ANKRD16: variants seen among roughly 807,000 people sequenced by gnomAD.
ANKRD16 encodes ankyrin repeat domain-containing protein 16.
Under a neutral mutation model 37.9 loss-of-function variants are expected in ANKRD16, and 35 were observed. That is an observed-to-expected ratio of 0.92 (90% CI 0.71 to 1.23). ANKRD16 has a LOEUF of 1.23. ANKRD16 is among the 50% of genes most tolerant of loss of function. The pLI is 0.00. For synonymous variants in ANKRD16, 206 were observed against 197.2 expected (o/e 1.04, Z -0.37); for missense variants, 480 against 469.9 (o/e 1.02, Z -0.20).
At position 5,862,460 on chromosome 10, in the gene ANKRD16, G is replaced by A. The variant is rs560347702; in HGVS notation, c.*265C>T. 6.4e-6 allele frequency: 3 copies of A among 469,804 alleles called. No homozygotes were observed. Among genetic ancestry groups the A allele is most frequent in the Admixed American group, 2.7e-5 (1 of 36,580 alleles). The allele number at this position is 469,804 out of a possible 1,614,324, so 29.1% of individuals were successfully genotyped here. On this transcript the variant is annotated 3_prime_UTR_variant, in exon 8 of 8. Transcript: ENST00000380094. The surrounding 1 kb of genome is among the most constrained non-coding windows in gnomAD (Gnocchi z 6.5). ...CAGACTCTTCCAGTCAATGGTTGGTGATGTCATCAGCAACCATTTTTGGAG... is the reference window on the plus strand; with the variant it reads ...CAGACTCTTCCAGTCAATGGTTGGTAATGTCATCAGCAACCATTTTTGGAG...
chr10:5,862,509 G>C lies in ANKRD16; in HGVS notation c.*216C>G. On this transcript the variant is annotated 3_prime_UTR_variant, in exon 8 of 8. Coordinates refer to ENST00000380094, the MANE Select transcript of ANKRD16 (RefSeq NM_019046.3). The surrounding 1 kb of genome is among the most constrained non-coding windows in gnomAD (Gnocchi z 6.5). ...AGACAGACCCAGGGAGCTGACCTTG[G>C]GGGCCAGTGCAGATGTGGCACTGAC... 1.1e-6 allele frequency: 1 copy of C among 925,118 alleles called. No individual in the cohort carries two copies. Among genetic ancestry groups the C allele is most frequent in the Non-Finnish European group, 1.5e-6 (1 of 664,970 alleles). The allele number at this position is 925,118 out of a possible 1,614,324, so 57.3% of individuals were successfully genotyped here. A position where few individuals can be genotyped will look rare whatever the true frequency, so the allele number is the denominator to read the frequency against.
rs1280801153 is a variant in ANKRD16 at position 5,863,043 on chromosome 10, GGA to G, written c.*34-354_*34-353del. Reference sequence around the variant, plus strand: ...GCTGACTGTGGTGGAGAAAACTGCAGGACAGGGACCCTCAGCTGCTGCTATAC... The same window carrying G: ...GCTGACTGTGGTGGAGAAAACTGCAGCAGGGACCCTCAGCTGCTGCTATAC... On this transcript the variant is annotated intron_variant, in intron 7 of 7. Transcript: ENST00000380094. This position sits in a 1 kb window ranked among gnomAD's most constrained non-coding sequence, Gnocchi z 4.7. Among the ~76,000 whole-genome samples, 11 of 152,148 alleles carry G rather than the reference GGA, an allele frequency of 7.2e-5. No individual in the cohort carries two copies. Among genetic ancestry groups the G allele is most frequent in the Admixed American group, 7.2e-4 (11 of 15,272 alleles).
intron 5 of ANKRD16, 152 bp from the exon 6 acceptor site, chr10:5,880,528 A>C (rs1564417565): frequency 4.8e-6 from 2 of 418,148 alleles, no homozygotes; most frequent in Non-Finnish European, 8.4e-6. Context: ...GTCTCTCTCC[A>C]AAGATGATTT....
intron 7 of ANKRD16, 140 bp downstream of exon 7, chr10:5,877,957 G>A: frequency 1.2e-6 from 1 of 866,970 alleles, no homozygotes; most frequent in South Asian, 1.8e-5. Context: ...TGGGAACTCA[G>A]CCCCCTGATC....
At chr10:5,872,524 A>T (rs2131759562) in intron 7 of ANKRD16, among the ~76,000 whole-genome samples, 1 of 152,226 alleles carries the variant, frequency 6.6e-6, no homozygotes, top group Non-Finnish European at 1.5e-5. Context: ...CACGTGCAGC[A>T]TCAGCTCAAC....
chr10:5,872,809 G>T (rs1485020529), intron 7 of ANKRD16, among the ~76,000 whole-genome samples: 2 of 151,694 alleles, frequency 1.3e-5, no homozygotes, highest in South Asian at 2.1e-4. Context: ...GCCCCCCTTG[G>T]CCTCCCAAAG....
rs1201900204 is a variant in ANKRD16, at chr10:5,862,631, G to C, written c.*94C>G. ...TGAACTCAGGTTCAGGATGACTGAAGCAAGTTGCACTTGGCTTTCTCTGAG... is the reference window on the plus strand; with the variant it reads ...TGAACTCAGGTTCAGGATGACTGAACCAAGTTGCACTTGGCTTTCTCTGAG... On this transcript the variant is annotated 3_prime_UTR_variant, in exon 8 of 8. Coordinates refer to ENST00000380094, the MANE Select transcript of ANKRD16 (RefSeq NM_019046.3). This position sits in a 1 kb window ranked among gnomAD's most constrained non-coding sequence, Gnocchi z 6.5. 1 of 1,289,406 alleles carries C rather than the reference G, an allele frequency of 7.8e-7. No homozygotes were observed. Among genetic ancestry groups the C allele is most frequent in the African/African-American group, 1.5e-5 (1 of 65,794 alleles). The allele number at this position is 1,289,406 out of a possible 1,614,324, so 79.9% of individuals were successfully genotyped here.
intron 4 of ANKRD16, among the ~76,000 whole-genome samples, chr10:5,883,617 A>G (rs1003378920): frequency 1.3e-5 from 2 of 152,228 alleles, no homozygotes; most frequent in African/African-American, 4.8e-5. Context: ...CTCTCTAATC[A>G]AAAAGATGGT....
chr10:5,888,072 G>A lies in ANKRD16; in HGVS notation c.315-5C>T, dbSNP rs1009058477. Reference sequence around the variant, plus strand: ...CAGGCCATCATCAGAGGAGTCCTAAGGCCAACCAGGAGAAGCTGTCAGATG... The same window carrying A: ...CAGGCCATCATCAGAGGAGTCCTAAAGCCAACCAGGAGAAGCTGTCAGATG... On this transcript the variant is annotated splice_polypyrimidine_tract_variant and splice_region_variant and intron_variant, in intron 1 of 7. Coordinates refer to ENST00000380094, the MANE Select transcript of ANKRD16 (RefSeq NM_019046.3). 4.3e-6 allele frequency: 7 copies of A among 1,613,058 alleles called. No individual in the cohort carries two copies. The African/African-American group carries it at 8.0e-5, about 18-fold the overall frequency.
intron 5 of ANKRD16, among the ~76,000 whole-genome samples, chr10:5,881,810 C>T (rs1842321855): frequency 6.6e-6 from 1 of 151,602 alleles, no homozygotes; most frequent in South Asian, 2.1e-4. Context: ...GCCTCAGTCT[C>T]CCTAGTAGCT....
intron 7 of ANKRD16, among the ~76,000 whole-genome samples, chr10:5,867,365 G>A (rs11255630): frequency 0.017 from 2,629 of 152,312 alleles, 85 homozygotes; most frequent in African/African-American, 0.059. Flanking sequence ...AAGTGATAAG[G>A]AAACTCTTGA....
In ANKRD16 at chr10:5,885,875, A is replaced by G. The variant is rs7096998; in HGVS notation, c.536-110T>C. On this transcript the variant is annotated intron_variant, in intron 2 of 7. Coordinates refer to ENST00000380094, the MANE Select transcript of ANKRD16 (RefSeq NM_019046.3). ...CGTTCTATTAGTGATAGCTTACAAGAAGGAGTCATTAAATTGGGTACACTG... is the reference window on the plus strand; with the variant it reads ...CGTTCTATTAGTGATAGCTTACAAGGAGGAGTCATTAAATTGGGTACACTG... The G allele has an allele frequency of 1.3e-3, 1,374 of 1,096,248 alleles. 16 individuals carry two copies. In the African/African-American group the frequency reaches 0.02, roughly 16 times the overall value. The allele number at this position is 1,096,248 out of a possible 1,614,324, so 67.9% of individuals were successfully genotyped here.
In ANKRD16 at chr10:5,883,033, G is replaced by A. The variant is rs1178030659; in HGVS notation, c.822C>T (p.His274=). The A allele has an allele frequency of 1.9e-6, 3 of 1,613,902 alleles. No homozygotes were observed. The highest frequency in any genetic ancestry group is 2.5e-6 in the Non-Finnish European group (3 of 1,180,030). ...VDVDVRATST[H]LTALHYAAKE... The stretch of plus-strand genomic sequence containing the variant: ...TAGCTGCATAATGAAGTGCTGTGAG[G>A]TGGGTTGATGTGGCTCTCACATCTA... Residue 274 remains histidine (H), a synonymous_variant, in exon 5 of 8, where the codon CAC becomes CAT. Coordinates refer to ENST00000380094, the MANE Select transcript of ANKRD16 (RefSeq NM_019046.3).
In ANKRD16 at chr10:5,869,367, A is replaced by G. The variant is rs747030850; in HGVS notation, c.*34-6676T>C. Among the ~76,000 whole-genome samples, 1 of 152,206 alleles carries G rather than the reference A, an allele frequency of 6.6e-6. No individual in the cohort carries two copies. The highest frequency in any genetic ancestry group is 2.4e-5 in the African/African-American group (1 of 41,458). ...AAGAACAAAGGAAATGCAAATTCCT[A>G]GAGTCCACCCTGGACCTACAGGCCC... On this transcript the variant is annotated intron_variant, in intron 7 of 7. Coordinates refer to ENST00000380094, the MANE Select transcript of ANKRD16 (RefSeq NM_019046.3). This position sits in a 1 kb window ranked among gnomAD's most constrained non-coding sequence, Gnocchi z 4.0.
At position 5,883,094 on chromosome 10, in the gene ANKRD16, G is replaced by C; in HGVS notation, c.761C>G (p.Ala254Gly). 6.2e-7 allele frequency: 1 copy of C among 1,614,108 alleles called. No homozygotes were observed. Among genetic ancestry groups the C allele is most frequent in the Admixed American group, 1.7e-5 (1 of 60,032 alleles). The change falls in exon 5 of 8, where the codon GCC (alanine) becomes GGC (glycine). Residue 254 changes from alanine to glycine, a missense_variant. Transcript: ENST00000380094. ...AAGTTCAGAGACCAAGAATCGGATGGCTTCGTCCTGCCCTGTGACAGCTGC... is the reference window on the plus strand; with the variant it reads ...AAGTTCAGAGACCAAGAATCGGATGCCTTCGTCCTGCCCTGTGACAGCTGC... ...HRAAVTGQDEAIRFLVSELGV... is the reference protein window; with the variant it reads ...HRAAVTGQDEGIRFLVSELGV...
At chr10:5,888,210 G>C (rs1842479405) in intron 1 of ANKRD16, 143 bp from the exon 2 acceptor site, 1 of 712,350 alleles carries the variant, frequency 1.4e-6, no homozygotes, top group Admixed American at 2.8e-5. Flanking sequence ...AAACAGCTTT[G>C]ACCGGCAACC....
chr10:5,880,615 C>A (rs189597016), intron 5 of ANKRD16, among the ~76,000 whole-genome samples: 1 of 151,176 alleles, frequency 6.6e-6, no homozygotes, highest in Admixed American at 6.6e-5. Context: ...ACTGAATCCA[C>A]ATTGCAGGAT....
chr10:5,874,895 A>G lies in ANKRD16; in HGVS notation c.*33+3202T>C, dbSNP rs1158751576. ...TGAGCACGGAGGGCCAGCCTGACAG[A>G]GGAGTGCAGAGGCAGAGAAGGAAAA... On this transcript the variant is annotated intron_variant, in intron 7 of 7. Transcript: ENST00000380094. The surrounding 1 kb of genome is among the most constrained non-coding windows in gnomAD (Gnocchi z 4.7). 6.6e-6 allele frequency among the ~76,000 whole-genome samples: 1 copy of G among 152,166 alleles called. No homozygotes were observed. The highest frequency in any genetic ancestry group is 1.5e-5 in the Non-Finnish European group (1 of 68,024).
At chr10:5,888,832 T>C (rs1321562728) in intron 1 of ANKRD16, among the ~76,000 whole-genome samples, 1 of 152,184 alleles carries the variant, frequency 6.6e-6, no homozygotes, top group Non-Finnish European at 1.5e-5. Flanking sequence ...CCCGACCAGT[T>C]AACCCACAAG....
Sources: gnomAD v4.1 joint callset for allele counts (sites outside exome capture counted in the v4.1 genomes callset) on GRCh38, gnomAD v4.1.1 for gene constraint, Gnocchi (gnomAD v3.1) non-coding constraint, MANE v1.5 for transcripts, NCBI Gene and HGNC (gene_info 2026-07-23, HGNC 2026-07-21) for gene names.